Variants in FAM174B observed in about 807,000 individuals in gnomAD.
The protein encoded by FAM174B is membrane protein FAM174B.
Under a neutral mutation model 10.9 loss-of-function variants are expected in FAM174B, and 12 were observed. That is an observed-to-expected ratio of 1.10 (90% CI 0.71 to 1.79). The LOEUF is 1.79. FAM174B is among the 40% of genes most tolerant of loss of function. The pLI is 0.00. For synonymous variants in FAM174B, 132 were observed against 115.8 expected, an observed-to-expected ratio of 1.14 and a Z score of -0.90; for missense variants, 266 against 233.3, an observed-to-expected ratio of 1.14 and a Z score of -0.91.
intron 2 of FAM174B, among the ~76,000 whole-genome samples, chr15:92,622,311 C>T (rs919717500): frequency 3.3e-5 from 5 of 152,236 alleles, no homozygotes; most frequent in Non-Finnish European, 5.9e-5. Context: ...CGCGCCTCCA[C>T]GGGGAGAAGT....
chr15:92,622,333 C>A (rs2050725206), intron 2 of FAM174B, among the ~76,000 whole-genome samples: 1 of 152,268 alleles, frequency 6.6e-6, no homozygotes, highest in African/African-American at 2.4e-5. Context: ...CACCCGCACA[C>A]ACCAACGCCT....
At chr15:92,651,362 C>T (rs997528543) in intron 1 of FAM174B, among the ~76,000 whole-genome samples, 5 of 152,156 alleles carry the variant, frequency 3.3e-5, no homozygotes, top group African/African-American at 4.8e-5. Flanking sequence ...AGTATACACA[C>T]AGGGATACTC....
At chr15:92,655,110 G>A (rs760878647) in intron 1 of FAM174B, 2 of 561,734 alleles carry the variant, frequency 3.6e-6, no homozygotes, top group Non-Finnish European at 5.5e-6. Flanking sequence ...AGAGAGGAAA[G>A]AAAATTCCTA....
At chr15:92,635,400 A>G (rs2050848890) in intron 1 of FAM174B, among the ~76,000 whole-genome samples, 2 of 152,232 alleles carry the variant, frequency 1.3e-5, no homozygotes, top group Non-Finnish European at 2.9e-5. Context: ...TAGGGATAAA[A>G]CTGAGACTGC....
chr15:92,654,962 G>C (rs2050991331), intron 1 of FAM174B, among the ~76,000 whole-genome samples: 1 of 152,088 alleles, frequency 6.6e-6, no homozygotes, highest in Admixed American at 6.6e-5. Context: ...CTCTGAAAAT[G>C]TTTTCCTCAT....
chr15:92,626,119 T>TC (rs1434902539), intron 2 of FAM174B, among the ~76,000 whole-genome samples: 4 of 28,432 alleles, frequency 1.4e-4, no homozygotes, highest in African/African-American at 8.2e-4. Context: ...GCTGGATTTT[T>TC]TTTTTTTTTT....
At chr15:92,639,640 A>G (rs534763970) in intron 1 of FAM174B, among the ~76,000 whole-genome samples, 10 of 152,278 alleles carry the variant, frequency 6.6e-5, no homozygotes, top group Non-Finnish European at 1.2e-4. Flanking sequence ...AGGTGACTGG[A>G]TCATGGGGGT....
intron 1 of FAM174B, among the ~76,000 whole-genome samples, chr15:92,633,319 C>T (rs57520765): frequency 0.14 from 21,553 of 152,166 alleles, 1,778 homozygotes; most frequent in East Asian, 0.25. Flanking sequence ...TTCTTAGCAA[C>T]AGCAACTTGG....
Position 92,655,741 on chromosome 15 carries a change from G to A in FAM174B, c.-82C>T, listed in dbSNP as rs1351021734. ...CGCACCAGCACGGAGGCCTGCACCG[G>A]GGGATCCTGCGGCGGAGGCGGCTGC... On this transcript the variant is annotated 5_prime_UTR_variant, in exon 1 of 3. Transcript: ENST00000327355. The A allele has an allele frequency of 7.9e-6, 9 of 1,141,376 alleles. No individual in the cohort carries two copies. The highest frequency in any genetic ancestry group is 3.5e-4 in the Middle Eastern group (1 of 2,874). 70.7% of individuals were successfully genotyped at this position (1,141,376 alleles called of 1,614,324 possible).
In FAM174B at chr15:92,624,713, C is replaced by T. The variant is rs1452876549; in HGVS notation, c.477-5254G>A. 5.9e-5 allele frequency among the ~76,000 whole-genome samples: 9 copies of T among 152,344 alleles called. No homozygotes were observed. In the South Asian group the frequency reaches 1.0e-3, roughly 18 times the overall value. On this transcript the variant is annotated intron_variant, in intron 2 of 2. Coordinates refer to ENST00000327355, the MANE Select transcript of FAM174B (RefSeq NM_207446.3). ...GGGAAGCAGGGATTTCTAGAATGAA[C>T]GTCCACACCCCCACGGGGCCACATC...
At chr15:92,650,914 C>T (rs909644138) in intron 1 of FAM174B, among the ~76,000 whole-genome samples, 1 of 152,198 alleles carries the variant, frequency 6.6e-6, no homozygotes, top group African/African-American at 2.4e-5. Flanking sequence ...ACAAAGGGCC[C>T]TCGGTCTCCA....
chr15:92,623,560 T>A (rs1866173), intron 2 of FAM174B, among the ~76,000 whole-genome samples: 15 of 151,996 alleles, frequency 9.9e-5, no homozygotes, highest in East Asian at 1.9e-4. Flanking sequence ...CCCAACTTGC[T>A]TCTGGCCCAT....
At chr15:92,620,229 AG>A (rs2050710185) in intron 2 of FAM174B, among the ~76,000 whole-genome samples, 2 of 152,238 alleles carry the variant, frequency 1.3e-5, no homozygotes, top group African/African-American at 4.8e-5. Flanking sequence ...AAATAAGTTT[AG>A]GCCAGGCACG....
At position 92,655,356 on chromosome 15, in the gene FAM174B, TA is replaced by T; in HGVS notation, c.303del (p.Phe101LeufsTer20). On this transcript the variant is annotated frameshift_variant, in exon 1 of 3. Coordinates refer to ENST00000327355, the MANE Select transcript of FAM174B (RefSeq NM_207446.3). LOFTEE classifies it high-confidence loss of function. ...AGCAGGCAGGCGATGAGGAGGGTGG[TA>T]AAGGCGAACGCCACGATCACGGCTG... ...LKAAVIVAFAFTTLLIACLLL... is the reference protein window; with the variant it reads ...LKAAVIVAFAXTTLLIACLLL... 1 of 1,587,072 alleles carries T rather than the reference TA, an allele frequency of 6.3e-7. No homozygotes were observed. The highest frequency in any genetic ancestry group is 8.6e-7 in the Non-Finnish European group (1 of 1,167,392).
rs779339200 is a variant in FAM174B at position 92,618,840 on chromosome 15, T to TTA, written c.*615_*616insTA. On this transcript the variant is annotated 3_prime_UTR_variant, in exon 3 of 3. Transcript: ENST00000327355. ...ATTTCTGCTGAACCTTTTTTTTTTT[T>TTA]AAAAAAAAAAAAAAAGGAAGAAAGA... is the stretch of plus-strand genomic sequence containing the variant. 7.2e-3 allele frequency: 1,038 copies of TTA among 144,088 alleles called. 10 individuals carry two copies. The highest frequency in any genetic ancestry group is 0.011 in the Non-Finnish European group (757 of 70,430). The allele number at this position is 144,088 out of a possible 1,614,324, so 8.9% of individuals were successfully genotyped here.
intron 1 of FAM174B, among the ~76,000 whole-genome samples, chr15:92,638,323 A>T (rs956838206): frequency 1.3e-5 from 2 of 152,314 alleles, no homozygotes; most frequent in Admixed American, 6.5e-5. Flanking sequence ...TTAGTCTGAA[A>T]TATAATCCTG....
intron 1 of FAM174B, among the ~76,000 whole-genome samples, chr15:92,642,462 G>A (rs551722916): frequency 1.3e-5 from 2 of 152,308 alleles, no homozygotes; most frequent in South Asian, 2.1e-4. Context: ...ATCTTGAATT[G>A]TAGTTCCCAT....
chr15:92,637,269 A>T (rs1249707464), intron 1 of FAM174B, among the ~76,000 whole-genome samples: 1 of 152,248 alleles, frequency 6.6e-6, no homozygotes, highest in Non-Finnish European at 1.5e-5. Flanking sequence ...ACTGGCCTTG[A>T]GGCCCAGATG....
chr15:92,627,284 C>A (rs1567043384), intron 2 of FAM174B: 1 of 160,154 alleles, frequency 6.2e-6, no homozygotes. Flanking sequence ...TAACACCTAC[C>A]AGGTGGTTTA....
Sources: gnomAD v4.1 joint callset for allele counts (sites outside exome capture counted in the v4.1 genomes callset) on GRCh38, gnomAD v4.1.1 for gene constraint, MANE v1.5 for transcripts, NCBI Gene and HGNC (gene_info 2026-07-23, HGNC 2026-07-21) for gene names.